ALG12: variants seen among roughly 807,000 people sequenced by gnomAD.
ALG12 encodes the protein dol-P-Man:Man(7)GlcNAc(2)-PP-Dol alpha-1,6-mannosyltransferase.
Under a neutral mutation model 46.0 loss-of-function variants are expected in ALG12, and 36 were observed. The ratio of observed to expected loss-of-function variants is 0.78; its 90% CI spans 0.60 to 1.03. The LOEUF (loss-of-function observed/expected upper bound fraction) is 1.03, where lower values mean the gene tolerates loss of function less well. Among genes scored for constraint, ALG12 ranks in the 50% least tolerant of loss-of-function variants. ALG12 has a pLI of 0.00. For missense variants in ALG12, 599 were observed against 633.5 expected, an observed-to-expected ratio of 0.95 and a Z score of 0.58; for synonymous variants, 326 against 291.6, an observed-to-expected ratio of 1.12 and a Z score of -1.20.
At chr22:49,885,479 G>A in the ALG12 span, 20 of 1,612,544 alleles carry the variant, frequency 1.2e-5, no homozygotes, top group Non-Finnish European at 1.3e-5. Context: ...CATTTACAGC[G>A]GTTCCATAGC....
intron 6 of ALG12, among the ~76,000 whole-genome samples, chr22:49,908,951 C>CAAAAAAA (rs35816147): frequency 1.2e-5 from 1 of 80,510 alleles, no homozygotes; most frequent in African/African-American, 4.3e-5. Flanking sequence ...GACTCAGTCT[C>CAAAAAAA]AAAAAAAAAA....
chr22:49,915,904 G>A (rs918615241), intron 1 of ALG12, among the ~76,000 whole-genome samples: 2 of 152,208 alleles, frequency 1.3e-5, no homozygotes, highest in African/African-American at 2.4e-5. Context: ...CAAGGCTGCC[G>A]AAGAAGAAAT....
Position 49,914,121 on chromosome 22 carries a change from G to A in ALG12, c.-78-278C>T, listed in dbSNP as rs534554553. Among the ~76,000 whole-genome samples the A allele has an allele frequency of 3.3e-5, 5 of 152,318 alleles. No homozygotes were observed. The South Asian group carries it at 6.2e-4, about 19-fold the overall frequency. The stretch of plus-strand genomic sequence containing the variant: ...CTGAGTCTGACCAGGCCTGGGCCAC[G>A]AGGGCAATGGAGGGTGGTAAATGGC... On this transcript the variant is annotated intron_variant, in intron 1 of 9. Coordinates refer to ENST00000330817, the MANE Select transcript of ALG12 (RefSeq NM_024105.4).
chr22:49,865,400 A>G, the ALG12 span, among the ~76,000 whole-genome samples: 1 of 152,066 alleles, frequency 6.6e-6, no homozygotes, highest in South Asian at 2.1e-4. Flanking sequence ...CTCTAATCCC[A>G]GCACTTCGGG....
chr22:49,861,034 C>T, the ALG12 span, among the ~76,000 whole-genome samples: 12 of 151,946 alleles, frequency 7.9e-5, no homozygotes, highest in South Asian at 2.1e-4. Context: ...CCTCGGCCTC[C>T]CAAAGTGCTG....
At chr22:49,913,922 G>T in intron 1 of ALG12, 79 bp from the exon 2 acceptor site, 1 of 903,518 alleles carries the variant, frequency 1.1e-6, no homozygotes, top group Non-Finnish European at 1.7e-6. Context: ...TAAAGGGTTA[G>T]CAGAATTCTC....
chr22:49,917,823 ACATGAGCGAGTGTT>A (rs1404899992), intron 1 of ALG12, among the ~76,000 whole-genome samples: 1 of 147,870 alleles, frequency 6.8e-6, no homozygotes, highest in Non-Finnish European at 1.5e-5. Context: ...GGGTTCCTGA[ACATGAGCGAGTGTT>A]CATCACCTCA....
the ALG12 span, among the ~76,000 whole-genome samples, chr22:49,865,991 G>A: frequency 2.2e-4 from 33 of 151,792 alleles, no homozygotes; most frequent in African/African-American, 7.7e-4. Context: ...TATACGCGTG[G>A]GCCACTGTGC....
At chr22:49,913,140 G>A (rs1182207727) in intron 3 of ALG12, among the ~76,000 whole-genome samples, 4 of 152,198 alleles carry the variant, frequency 2.6e-5, no homozygotes, top group Non-Finnish European at 5.9e-5. Context: ...ACAGGCAGTC[G>A]GCATTTCTCT....
chr22:49,883,713 T>A, the ALG12 span: 2 of 1,606,692 alleles, frequency 1.2e-6, no homozygotes, highest in South Asian at 2.2e-5. Flanking sequence ...ATTTCGTTTC[T>A]GATAAAATAA....
At position 49,901,920 on chromosome 22, in the gene ALG12, GCATGCACTGTGTGTATGCACGGTAA is replaced by G. The variant is rs2060510532; in HGVS notation, c.*1893_*1917del. 5.0e-5 allele frequency: 7 copies of G among 140,838 alleles called. No individual in the cohort carries two copies. The highest frequency in any genetic ancestry group is 2.4e-4 in the South Asian group (1 of 4,126). The allele number at this position is 140,838 out of a possible 1,614,324, so 8.7% of individuals were successfully genotyped here. On this transcript the variant is annotated 3_prime_UTR_variant, in exon 10 of 10. Coordinates refer to ENST00000330817, the MANE Select transcript of ALG12 (RefSeq NM_024105.4). ...TGTGTGTATGCATGGTAATGTGCAC[GCATGCACTGTGTGTATGCACGGTAA>G]TGTGCACGTGTGCACTGTGTGTGGT...
chr22:49,860,225 G>A, the ALG12 span, among the ~76,000 whole-genome samples: 3 of 152,272 alleles, frequency 2.0e-5, no homozygotes, highest in Admixed American at 6.5e-5. Flanking sequence ...CTTGAGCCTG[G>A]GAGGTTGAGG....
the ALG12 span, among the ~76,000 whole-genome samples, chr22:49,877,257 TATTATTTATTTA>T: frequency 4.4e-5 from 6 of 136,478 alleles, no homozygotes; most frequent in African/African-American, 8.3e-5. Flanking sequence ...AAAACAGCTT[TATTATTTATTTA>T]TTTATTTATT....
At chr22:49,912,906 A>G (rs180895549) in intron 3 of ALG12, among the ~76,000 whole-genome samples, 1 of 152,312 alleles carries the variant, frequency 6.6e-6, no homozygotes, top group African/African-American at 2.4e-5. Context: ...CAATATGTAC[A>G]AAACGTTCTA....
chr22:49,891,361 A>G, the ALG12 span, among the ~76,000 whole-genome samples: 1 of 152,220 alleles, frequency 6.6e-6, no homozygotes, highest in African/African-American at 2.4e-5. Context: ...AGCTTGCTCA[A>G]CTTCAATTTT....
intron 3 of ALG12, among the ~76,000 whole-genome samples, chr22:49,912,668 C>T (rs9616370): frequency 0.23 from 35,182 of 152,112 alleles, 4,516 homozygotes; most frequent in African/African-American, 0.35. Flanking sequence ...GCAATAAAAG[C>T]GTACTGAAAT....
rs1245432609 is a variant in ALG12 at position 49,902,304 on chromosome 22, CTGTG to C, written c.*1530_*1533del. The C allele has an allele frequency of 3.3e-5, 4 of 122,972 alleles. No individual in the cohort carries two copies. The highest frequency in any genetic ancestry group is 3.4e-5 in the African/African-American group (1 of 29,238). 7.6% of individuals were successfully genotyped at this position (122,972 alleles called of 1,614,324 possible). The stretch of plus-strand genomic sequence containing the variant: ...TGTATGCATAGTGTGCACGTGTGCA[CTGTG>C]TGTGGATGCATGGTAATGTGCACGT... On this transcript the variant is annotated 3_prime_UTR_variant, in exon 10 of 10. Transcript: ENST00000330817.
the ALG12 span, among the ~76,000 whole-genome samples, chr22:49,874,274 C>A: frequency 1.3e-5 from 2 of 152,182 alleles, no homozygotes; most frequent in African/African-American, 4.8e-5. Flanking sequence ...TCCTTCCATT[C>A]CTGGTTTGTG....
At chr22:49,909,378 C>A in intron 5 of ALG12, 31 bp from the exon 6 acceptor site, 1 of 1,598,552 alleles carries the variant, frequency 6.3e-7, no homozygotes, top group Non-Finnish European at 8.6e-7. Flanking sequence ...TTCTTAGTCG[C>A]AAACACAGCC....
Sources: gnomAD v4.1 joint callset for allele counts (sites outside exome capture counted in the v4.1 genomes callset) on GRCh38, gnomAD v4.1.1 for gene constraint, MANE v1.5 for transcripts, NCBI Gene and HGNC (gene_info 2026-07-23, HGNC 2026-07-21) for gene names.